Variants in HMCN1 observed in about 807,000 individuals in gnomAD.
The protein encoded by HMCN1 is hemicentin 1.
In HMCN1, 321 loss-of-function variants were observed where a neutral mutation model predicts 625.9. That is an observed-to-expected ratio of 0.51 (90% CI 0.47 to 0.56). HMCN1 has a LOEUF of 0.56. Ranked by LOEUF, HMCN1 falls within the 20% of genes least tolerant of loss-of-function variation. HMCN1 has a pLI of 0.00. For missense variants in HMCN1, 6,588 were observed against 6,887.3 expected, an observed-to-expected ratio of 0.96 and a Z score of 1.54; for synonymous variants, 2,425 against 2,417.6, an observed-to-expected ratio of 1.00 and a Z score of -0.09.
chr1:185,894,169 CAAAAAAACAG>C (rs1164414101), intron 4 of HMCN1, among the ~76,000 whole-genome samples: 1 of 148,650 alleles, frequency 6.7e-6, no homozygotes, highest in Non-Finnish European at 1.5e-5. Context: ...AAAAACAAAA[CAAAAAAACAG>C]AAAAAAACAA....
intron 69 of HMCN1, among the ~76,000 whole-genome samples, chr1:186,105,562 G>A (rs534724947): frequency 6.6e-6 from 1 of 152,286 alleles, no homozygotes; most frequent in African/African-American, 2.4e-5. Flanking sequence ...ATGACTAATA[G>A]ATTTGGAAAA....
At chr1:186,116,415 A>T (rs1661135797) in intron 75 of HMCN1, among the ~76,000 whole-genome samples, 1 of 112,166 alleles carries the variant, frequency 8.9e-6, no homozygotes, top group Admixed American at 1.0e-4. Context: ...CACTTGTTCA[A>T]AACTAAATAT....
intron 6 of HMCN1, among the ~76,000 whole-genome samples, chr1:185,919,679 A>C (rs995321288): frequency 1.3e-5 from 2 of 152,184 alleles, no homozygotes; most frequent in Non-Finnish European, 2.9e-5. Flanking sequence ...CATTGAGATC[A>C]TCATGAGAAA....
intron 41 of HMCN1, among the ~76,000 whole-genome samples, chr1:186,046,483 A>G (rs930558733): frequency 4.6e-5 from 7 of 152,084 alleles, no homozygotes; most frequent in Non-Finnish European, 1.0e-4. Context: ...CAAAAAAAAA[A>G]ATGCAAAAGA....
intron 23 of HMCN1, among the ~76,000 whole-genome samples, chr1:185,994,011 T>C (rs1652615123): frequency 6.6e-6 from 1 of 152,174 alleles, no homozygotes; most frequent in Non-Finnish European, 1.5e-5. Context: ...TTCACTAACC[T>C]TTCTTATTTT....
At chr1:186,021,802 A>C (rs147246249) in intron 35 of HMCN1, among the ~76,000 whole-genome samples, 2 of 152,058 alleles carry the variant, frequency 1.3e-5, no homozygotes, top group Non-Finnish European at 2.9e-5. Context: ...TAAAGGATCA[A>C]ATTTGAATTT....
At chr1:185,922,328 A>C (rs1448272844) in intron 6 of HMCN1, 51 bp from the exon 7 acceptor site, 2 of 1,608,720 alleles carry the variant, frequency 1.2e-6, no homozygotes, top group Admixed American at 3.3e-5. Context: ...GTTGCATATG[A>C]CCAGCATACT....
Position 186,093,228 on chromosome 1 carries a change from G to C in HMCN1, c.9982G>C (p.Glu3328Gln), listed in dbSNP as rs1659941754. 2 of 1,613,376 alleles carry C rather than the reference G, an allele frequency of 1.2e-6. No homozygotes were observed. Among genetic ancestry groups the C allele is most frequent in the Non-Finnish European group, 1.7e-6 (2 of 1,179,584 alleles). ...TGTTGCTACTAATCCCGCTGGAGAA[G>C]AAGACCGAATTTTTAACTTGAATGT... ...TCVATNPAGE[E>Q]DRIFNLNVYV... The change falls in exon 65 of 107, where the codon GAA (glutamate) becomes CAA (glutamine). Residue 3328 changes from glutamate (E) to glutamine (Q), a missense_variant. Coordinates refer to ENST00000271588, the MANE Select transcript of HMCN1 (RefSeq NM_031935.3).
In HMCN1 at chr1:185,854,332, T is replaced by C. The variant is rs995794731; in HGVS notation, c.339+8236T>C. ...TCAGGAGAATTGTGGAGTCCTAGTA[T>C]TGGAATTGATTTTGAATATCACTTG... On this transcript the variant is annotated intron_variant, in intron 2 of 106. Coordinates refer to ENST00000271588, the MANE Select transcript of HMCN1 (RefSeq NM_031935.3). 3.3e-5 allele frequency among the ~76,000 whole-genome samples: 5 copies of C among 152,158 alleles called. No homozygotes were observed. In the East Asian group the frequency reaches 7.7e-4, roughly 23 times the overall value.
At chr1:186,072,186 C>G (rs890655987) in intron 52 of HMCN1, among the ~76,000 whole-genome samples, 69 of 152,172 alleles carry the variant, frequency 4.5e-4, no homozygotes, top group African/African-American at 1.7e-3. Flanking sequence ...TTATTTCAGT[C>G]TTCAGATGAG....
intron 1 of HMCN1, among the ~76,000 whole-genome samples, chr1:185,844,747 A>C (rs61829887): frequency 0.14 from 20,729 of 152,202 alleles, 1,782 homozygotes; most frequent in East Asian, 0.43. Context: ...TAATACCATT[A>C]CTTAAATACA....
At chr1:185,897,163 CTCT>C (rs1185601868) in intron 4 of HMCN1, among the ~76,000 whole-genome samples, 1 of 152,250 alleles carries the variant, frequency 6.6e-6, no homozygotes, top group African/African-American at 2.4e-5. Context: ...AATCTATTTT[CTCT>C]TCTTCATTTC....
intron 4 of HMCN1, among the ~76,000 whole-genome samples, chr1:185,878,466 G>A (rs1382873911): frequency 6.6e-6 from 1 of 152,116 alleles, no homozygotes; most frequent in Non-Finnish European, 1.5e-5. Flanking sequence ...TTAGGGTTTT[G>A]TCAAATGCTT....
At chr1:186,030,598 G>A (rs1323358146) in intron 36 of HMCN1, among the ~76,000 whole-genome samples, 2 of 151,780 alleles carry the variant, frequency 1.3e-5, no homozygotes, top group Non-Finnish European at 2.9e-5. Flanking sequence ...GCTATTATAG[G>A]CAACATACAG....
chr1:186,185,020 C>A (rs770556279), intron 105 of HMCN1, among the ~76,000 whole-genome samples: 6 of 151,902 alleles, frequency 3.9e-5, no homozygotes, highest in Non-Finnish European at 7.4e-5. Context: ...GGGTAATAGA[C>A]CAGAGACAGA....
chr1:185,916,043 TGTGTGTGCATATGC>T (rs1169035709), intron 6 of HMCN1, among the ~76,000 whole-genome samples: 5 of 150,604 alleles, frequency 3.3e-5, no homozygotes, highest in South Asian at 2.1e-4. Context: ...TTTATGTATA[TGTGTGTGCATATGC>T]GTGTGTGCAT....
intron 1 of HMCN1, among the ~76,000 whole-genome samples, chr1:185,762,098 A>AAG (rs1318816429): frequency 6.6e-6 from 1 of 152,202 alleles, no homozygotes; most frequent in Non-Finnish European, 1.5e-5. Context: ...CGAGGAAAAA[A>AAG]AGAGGTGAAA....
intron 23 of HMCN1, among the ~76,000 whole-genome samples, chr1:185,994,356 CTT>C (rs1343371308): frequency 2.0e-5 from 3 of 152,082 alleles, no homozygotes; most frequent in African/African-American, 7.2e-5. Context: ...TCATGAGAAA[CTT>C]TTCTTATTGT....
At chr1:186,072,791 G>T (rs1487331737) in intron 52 of HMCN1, among the ~76,000 whole-genome samples, 2 of 152,210 alleles carry the variant, frequency 1.3e-5, no homozygotes, top group Non-Finnish European at 2.9e-5. Flanking sequence ...CAGAAAATGT[G>T]AGCAGAAGAC....
Sources: gnomAD v4.1 joint callset for allele counts (sites outside exome capture counted in the v4.1 genomes callset) on GRCh38, gnomAD v4.1.1 for gene constraint, MANE v1.5 for transcripts, NCBI Gene and HGNC (gene_info 2026-07-23, HGNC 2026-07-21) for gene names.